The following WDFY3 variants were observed in gnomAD, a reference collection of about 807,000 sequenced individuals.
The protein encoded by WDFY3 is WD repeat and FYVE domain-containing protein 3.
A neutral mutation model predicts 409.6 loss-of-function variants in WDFY3; 66 were observed. The ratio of observed to expected loss-of-function variants is 0.16; its 90% CI spans 0.13 to 0.20. The LOEUF (loss-of-function observed/expected upper bound fraction) is 0.20, where lower values mean the gene tolerates loss of function less well. WDFY3 is among the 10% of genes least tolerant of loss of function. WDFY3 has a pLI of 1.00. For synonymous variants in WDFY3, 1,521 were observed against 1,537.1 expected, an observed-to-expected ratio of 0.99 and a Z score of 0.25; for missense variants, 3,031 against 4,298.1, an observed-to-expected ratio of 0.71 and a Z score of 8.24.
At chr4:84,816,994 T>C (rs901864182) in intron 13 of WDFY3, among the ~76,000 whole-genome samples, 3 of 152,146 alleles carry the variant, frequency 2.0e-5, no homozygotes, top group Non-Finnish European at 2.9e-5. Flanking sequence ...TCTACTAGAA[T>C]ATCCATTACT....
At chr4:84,880,463 A>G (rs1444167319) in intron 3 of WDFY3, among the ~76,000 whole-genome samples, 1 of 151,666 alleles carries the variant, frequency 6.6e-6, no homozygotes, top group Non-Finnish European at 1.5e-5. Context: ...TGTTAGTAAC[A>G]GTGTTTATGG....
At chr4:84,753,587 G>C in intron 35 of WDFY3, 110 bp downstream of exon 35, 1 of 1,257,912 alleles carries the variant, frequency 7.9e-7, no homozygotes, top group East Asian at 2.7e-5. Context: ...ACTGTAACTT[G>C]GTCAGAAACT....
chr4:84,771,562 C>T (rs1316328950), intron 30 of WDFY3, among the ~76,000 whole-genome samples: 3 of 152,246 alleles, frequency 2.0e-5, no homozygotes, highest in South Asian at 4.1e-4. Context: ...CTTTGCATTT[C>T]GTAGGAAAAT....
Position 84,784,885 on chromosome 4 carries a change from TATATATACACACAC to T in WDFY3, c.4062+1080_4062+1093del, listed in dbSNP as rs1417727133. Among the ~76,000 whole-genome samples, 31 of 96,072 alleles carry T rather than the reference TATATATACACACAC, an allele frequency of 3.2e-4. No individual in the cohort carries two copies. In the East Asian group the frequency reaches 8.7e-3, roughly 27 times the overall value. 63.0% of individuals were successfully genotyped at this position (96,072 alleles called of 152,430 possible). ...ATATATATATATATATATATATATA[TATATATACACACAC>T]ACACACACACACACACACACATACA... is the stretch of plus-strand genomic sequence containing the variant. On this transcript the variant is annotated intron_variant, in intron 24 of 67. Coordinates refer to ENST00000295888, the MANE Select transcript of WDFY3 (RefSeq NM_014991.6).
chr4:84,708,209 ATCT>A (rs1732298708), intron 53 of WDFY3, among the ~76,000 whole-genome samples: 1 of 152,200 alleles, frequency 6.6e-6, no homozygotes, highest in African/African-American at 2.4e-5. Context: ...ATTGTTGGAA[ATCT>A]TCTACCAAGC....
At chr4:84,721,341 C>A in intron 47 of WDFY3, 68 bp downstream of exon 47, 1 of 1,572,474 alleles carries the variant, frequency 6.4e-7, no homozygotes. Context: ...GCTACCCTAT[C>A]AACTCATCTT....
In WDFY3 at chr4:84,757,007, C is replaced by T. The variant is rs1194473814; in HGVS notation, c.5343G>A (p.Leu1781=). 8 of 1,614,070 alleles carry T rather than the reference C, an allele frequency of 5.0e-6. No individual in the cohort carries two copies. The East Asian group carries it at 1.8e-4, about 36-fold the overall frequency. ...CAGGCAGCTCACTAACTGGCTGCTG[C>T]AGAAACAAGGCCATGAGGAGAAAAT... ...ALYFLLMALF[L]QQPVSELPEN... is the part of the protein sequence containing the mutation. Residue 1781 remains leucine (L), a synonymous_variant, in exon 33 of 68, where the codon CTG becomes CTA. Transcript: ENST00000295888.
At position 84,691,710 on chromosome 4, in the gene WDFY3, A is replaced by C; in HGVS notation, c.9125T>G (p.Ile3042Ser). The stretch of plus-strand genomic sequence containing the variant: ...AAAAGTTTTATTCCAGGTTGGTGGG[A>C]TAAGAACCTTATTCTGTTCCACCGC... ...ILAVEQNKVL[I>S]PPTWNKTFAW... The change falls in exon 60 of 68, where the codon ATC becomes AGC. Residue 3042 changes from isoleucine to serine, a missense_variant. Around this residue, in one of 16 missense-constraint regions of WDFY3, gnomAD observed 152 missense variants for 193.5 expected, o/e 0.79. Coordinates refer to ENST00000295888, the MANE Select transcript of WDFY3 (RefSeq NM_014991.6). 1.1e-5 allele frequency: 18 copies of C among 1,614,160 alleles called. No individual in the cohort carries two copies. Among genetic ancestry groups the C allele is most frequent in the Non-Finnish European group, 1.5e-5 (18 of 1,180,014 alleles).
At chr4:84,691,842 C>A in intron 59 of WDFY3, 57 bp from the exon 60 acceptor site, 1 of 1,462,646 alleles carries the variant, frequency 6.8e-7, no homozygotes. Context: ...ATGTCATTAT[C>A]TCATAGAGCA....
chr4:84,860,345 A>G (rs1197859724), intron 4 of WDFY3, 67 bp downstream of exon 4: 4 of 1,507,722 alleles, frequency 2.7e-6, no homozygotes, highest in Admixed American at 2.0e-5. Flanking sequence ...ATGGCTTACC[A>G]GTAACCTTCA....
At chr4:84,682,558 G>A in intron 63 of WDFY3, 88 bp from the exon 64 acceptor site, 2 of 1,026,750 alleles carry the variant, frequency 1.9e-6, no homozygotes, top group Non-Finnish European at 2.9e-6. Flanking sequence ...GACTGTCAGG[G>A]TTAACAGATA....
intron 1 of WDFY3, among the ~76,000 whole-genome samples, chr4:84,944,458 G>C (rs987032624): frequency 2.0e-5 from 3 of 152,130 alleles, no homozygotes; most frequent in Non-Finnish European, 2.9e-5. Flanking sequence ...CTTGAACCTT[G>C]AGGGAGGAGA....
chr4:84,882,189 G>C (rs1763628433), intron 3 of WDFY3, among the ~76,000 whole-genome samples: 1 of 151,986 alleles, frequency 6.6e-6, no homozygotes, highest in South Asian at 2.1e-4. Context: ...CCACATCAAG[G>C]CTCTCAGTCA....
At chr4:84,813,972 T>C (rs947370690) in intron 13 of WDFY3, among the ~76,000 whole-genome samples, 8 of 152,166 alleles carry the variant, frequency 5.3e-5, no homozygotes, top group Non-Finnish European at 1.2e-4. Flanking sequence ...CAAAACATGA[T>C]GAAATATATG....
chr4:84,724,606 C>A lies in WDFY3; in HGVS notation c.7273-12G>T. 1.2e-6 allele frequency: 2 copies of A among 1,602,202 alleles called. No individual in the cohort carries two copies. Among genetic ancestry groups the A allele is most frequent in the East Asian group, 4.5e-5 (2 of 44,674 alleles). ...TATCGAGCAGGTTTCTAAGAAATGA[C>A]AAAAGAAAATGACTCCGATAACTAT... On this transcript the variant is annotated splice_polypyrimidine_tract_variant and intron_variant, in intron 45 of 67. Coordinates refer to ENST00000295888, the MANE Select transcript of WDFY3 (RefSeq NM_014991.6).
intron 1 of WDFY3, among the ~76,000 whole-genome samples, chr4:84,959,885 A>C (rs555545450): frequency 4.6e-5 from 7 of 152,364 alleles, no homozygotes; most frequent in African/African-American, 1.7e-4. Context: ...TTACAGTATT[A>C]GATGAGAATT....
At chr4:84,797,742 G>A (rs1183694123) in intron 18 of WDFY3, among the ~76,000 whole-genome samples, 4 of 151,714 alleles carry the variant, frequency 2.6e-5, no homozygotes, top group African/African-American at 4.8e-5. Context: ...CACTGCGCCC[G>A]GCTAATTTTT....
At chr4:84,737,743 T>C (rs1316411329) in intron 40 of WDFY3, among the ~76,000 whole-genome samples, 1 of 152,204 alleles carries the variant, frequency 6.6e-6, no homozygotes, top group Non-Finnish European at 1.5e-5. Context: ...CTTGAATATT[T>C]TGCACAAGAA....
At chr4:84,861,785 C>G (rs1429327015) in intron 3 of WDFY3, among the ~76,000 whole-genome samples, 1 of 152,136 alleles carries the variant, frequency 6.6e-6, no homozygotes, top group African/African-American at 2.4e-5. Context: ...AAAGTATACA[C>G]AGAATCAGTA....
Sources: allele counts gnomAD v4.1 joint callset (sites outside exome capture counted in the v4.1 genomes callset), GRCh38; gene constraint gnomAD v4.1.1; regional missense constraint gnomAD v4.1.1; transcripts MANE v1.5; gene names NCBI Gene and HGNC (gene_info 2026-07-23, HGNC 2026-07-21).